Variants in NCKAP5 observed in about 807,000 individuals in gnomAD.
NCKAP5 encodes NCK associated protein 5.
In NCKAP5, 92 loss-of-function variants were observed where a neutral mutation model predicts 167.0. The observed-to-expected ratio is 0.55, with a 90% CI of 0.47 to 0.66. The LOEUF is 0.66. Ranked by LOEUF, NCKAP5 falls within the 30% of genes least tolerant of loss-of-function variation. NCKAP5 has a pLI of 0.00. For synonymous variants in NCKAP5, 891 were observed against 877.4 expected (o/e 1.02, Z -0.27); for missense variants, 2,378 against 2,315.0 (o/e 1.03, Z -0.56).
chr2:133,040,891 C>A (rs2079197542), intron 6 of NCKAP5, among the ~76,000 whole-genome samples: 1 of 152,158 alleles, frequency 6.6e-6, no homozygotes, highest in African/African-American at 2.4e-5. Context: ...CATGCAATTT[C>A]TCTTCTTTCT....
intron 5 of NCKAP5, among the ~76,000 whole-genome samples, chr2:133,169,917 C>T (rs1477070162): frequency 2.6e-5 from 4 of 151,970 alleles, no homozygotes; most frequent in South Asian, 2.1e-4. Context: ...TAGGAATGTC[C>T]GTAAAGCAAT....
chr2:132,956,045 A>C (rs1024012828), intron 8 of NCKAP5, among the ~76,000 whole-genome samples: 1 of 152,136 alleles, frequency 6.6e-6, no homozygotes, highest in African/African-American at 2.4e-5. Flanking sequence ...AAATCTGTTG[A>C]TAATAGAGTA....
chr2:133,261,981 C>T lies in NCKAP5; in HGVS notation c.143+41056G>A, dbSNP rs933942084. 4.6e-5 allele frequency among the ~76,000 whole-genome samples: 7 copies of T among 152,070 alleles called. No homozygotes were observed. The East Asian group carries it at 5.8e-4, about 13-fold the overall frequency. On this transcript the variant is annotated intron_variant, in intron 4 of 19. Transcript: ENST00000409261. Reference sequence around the variant, plus strand: ...AGGGTGCAGGGAGGAGGTTGAGAGACGAGGTTAATGTGAAATAGCCAGTCT... The same window carrying T: ...AGGGTGCAGGGAGGAGGTTGAGAGATGAGGTTAATGTGAAATAGCCAGTCT...
At chr2:132,834,379 C>G (rs1192581445) in intron 11 of NCKAP5, among the ~76,000 whole-genome samples, 5 of 152,210 alleles carry the variant, frequency 3.3e-5, no homozygotes, top group South Asian at 4.1e-4. Context: ...GAGTCTTGCT[C>G]TGTCGCCCAG....
chr2:132,794,576 C>T (rs148840930), intron 12 of NCKAP5, among the ~76,000 whole-genome samples: 3,395 of 151,302 alleles, frequency 0.022, 124 homozygotes, highest in African/African-American at 0.079. Context: ...GTGGAGGTTG[C>T]AGTGAGCCGA....
intron 3 of NCKAP5, among the ~76,000 whole-genome samples, chr2:133,347,594 A>G (rs984227117): frequency 6.7e-6 from 1 of 149,872 alleles, no homozygotes; most frequent in Non-Finnish European, 1.5e-5. Context: ...ATAATATAAT[A>G]TAATATAATA....
At chr2:133,484,900 G>A (rs1836669) in intron 3 of NCKAP5, among the ~76,000 whole-genome samples, 42,589 of 152,020 alleles carry the variant, frequency 0.28, 6,274 homozygotes, top group Non-Finnish European at 0.33. Context: ...GACAACCCTA[G>A]ACTAAGTCAA....
intron 3 of NCKAP5, among the ~76,000 whole-genome samples, chr2:133,407,964 A>T (rs1321332250): frequency 6.6e-6 from 1 of 152,170 alleles, no homozygotes; most frequent in African/African-American, 2.4e-5. Flanking sequence ...CACTAAAAGG[A>T]ACACAAAGAC....
At chr2:133,382,701 C>T (rs1020770463) in intron 3 of NCKAP5, among the ~76,000 whole-genome samples, 2 of 152,194 alleles carry the variant, frequency 1.3e-5, no homozygotes, top group Non-Finnish European at 2.9e-5. Flanking sequence ...TAAGCATTTA[C>T]TCTCTCATGA....
At chr2:133,120,564 A>C (rs1344957754) in intron 6 of NCKAP5, among the ~76,000 whole-genome samples, 1 of 152,180 alleles carries the variant, frequency 6.6e-6, no homozygotes. Context: ...GAGCCATAAA[A>C]CACTCTCAGA....
chr2:133,549,683 G>C (rs1380710563), intron 2 of NCKAP5, among the ~76,000 whole-genome samples: 2 of 135,778 alleles, frequency 1.5e-5, no homozygotes, highest in Non-Finnish European at 3.2e-5. Flanking sequence ...ACAATTAAAA[G>C]AACTAGAAAA....
At chr2:133,324,912 T>G (rs916493313) in intron 3 of NCKAP5, among the ~76,000 whole-genome samples, 1 of 152,158 alleles carries the variant, frequency 6.6e-6, no homozygotes, top group African/African-American at 2.4e-5. Context: ...TTCACCATGT[T>G]GACCAGGCTG....
chr2:133,243,036 C>T (rs1469760355), intron 4 of NCKAP5, among the ~76,000 whole-genome samples: 2 of 152,042 alleles, frequency 1.3e-5, no homozygotes, highest in African/African-American at 4.8e-5. Context: ...TTTGACTAAC[C>T]ATATTATGCT....
intron 6 of NCKAP5, among the ~76,000 whole-genome samples, chr2:133,080,534 A>T (rs1221868144): frequency 6.6e-6 from 1 of 152,174 alleles, no homozygotes; most frequent in African/African-American, 2.4e-5. Context: ...TTATGCTACA[A>T]TGGCAGAGGT....
intron 8 of NCKAP5, among the ~76,000 whole-genome samples, chr2:132,945,352 G>A (rs1310633221): frequency 6.6e-6 from 1 of 152,140 alleles, no homozygotes; most frequent in African/African-American, 2.4e-5. Flanking sequence ...TCCTTTGCTT[G>A]GAAGGAAGAC....
intron 6 of NCKAP5, among the ~76,000 whole-genome samples, chr2:133,033,885 A>T (rs2078960962): frequency 6.6e-6 from 1 of 152,164 alleles, no homozygotes. Flanking sequence ...AATAGCCTCA[A>T]AAGAACAAAT....
chr2:133,373,394 A>G (rs796210615), intron 3 of NCKAP5, among the ~76,000 whole-genome samples: 1 of 151,816 alleles, frequency 6.6e-6, no homozygotes, highest in East Asian at 1.9e-4. Flanking sequence ...GAAAACTACA[A>G]CTCTGATGAA....
intron 3 of NCKAP5, among the ~76,000 whole-genome samples, chr2:133,330,266 G>A (rs981520930): frequency 4.9e-5 from 1 of 20,610 alleles, no homozygotes; most frequent in South Asian, 1.4e-3. Context: ...TTTTTTTTTT[G>A]TAGAGATGGG....
chr2:133,541,542 A>T (rs1686227017), intron 2 of NCKAP5, among the ~76,000 whole-genome samples: 1 of 152,196 alleles, frequency 6.6e-6, no homozygotes, highest in South Asian at 2.1e-4. Context: ...AAGATTATTT[A>T]AAGAAACATT....
Sources: gnomAD v4.1 joint callset for allele counts (sites outside exome capture counted in the v4.1 genomes callset) on GRCh38, gnomAD v4.1.1 for gene constraint, MANE v1.5 for transcripts, NCBI Gene and HGNC (gene_info 2026-07-23, HGNC 2026-07-21) for gene names.